RAD51B: variants seen among roughly 807,000 people sequenced by gnomAD.
The protein encoded by RAD51B is DNA repair protein RAD51 homolog 2.
In RAD51B, 38 loss-of-function variants were observed where a neutral mutation model predicts 42.2. The ratio of observed to expected loss-of-function variants is 0.90; its 90% CI spans 0.70 to 1.18. The LOEUF is 1.18. Among genes scored for constraint, RAD51B ranks in the 50% most tolerant of loss-of-function variants. RAD51B has a pLI of 0.00. For synonymous variants in RAD51B, 154 were observed against 145.2 expected, an observed-to-expected ratio of 1.06 and a Z score of -0.43; for missense variants, 373 against 400.7, an observed-to-expected ratio of 0.93 and a Z score of 0.59.
At chr14:68,529,494 T>C (rs1420552468) in intron 10 of RAD51B, among the ~76,000 whole-genome samples, 1 of 152,194 alleles carries the variant, frequency 6.6e-6, no homozygotes, top group Non-Finnish European at 1.5e-5. Flanking sequence ...TGATGATATA[T>C]CTGAGACTAT....
At chr14:68,167,786 G>T (rs2078783490) in intron 7 of RAD51B, among the ~76,000 whole-genome samples, 1 of 152,064 alleles carries the variant, frequency 6.6e-6, no homozygotes, top group Non-Finnish European at 1.5e-5. Flanking sequence ...ATTTATTAGA[G>T]TTCTGATATT....
At chr14:67,830,094 T>C (rs2040981928) in intron 3 of RAD51B, among the ~76,000 whole-genome samples, 1 of 151,886 alleles carries the variant, frequency 6.6e-6, no homozygotes, top group African/African-American at 2.4e-5. Context: ...CTTGCGTGAG[T>C]GGGTCATAAC....
At chr14:68,442,405 T>C (rs546753276) in intron 9 of RAD51B, among the ~76,000 whole-genome samples, 19 of 151,506 alleles carry the variant, frequency 1.3e-4, no homozygotes, top group African/African-American at 4.6e-4. Flanking sequence ...ATCCTATTTC[T>C]TGAGTGCCTA....
intron 10 of RAD51B, among the ~76,000 whole-genome samples, chr14:68,575,838 G>C (rs1305578175): frequency 6.6e-6 from 1 of 152,206 alleles, no homozygotes; most frequent in Non-Finnish European, 1.5e-5. Flanking sequence ...AATACATATA[G>C]AAAGATATAT....
At chr14:68,040,498 A>C (rs2076201711) in intron 7 of RAD51B, among the ~76,000 whole-genome samples, 1 of 152,206 alleles carries the variant, frequency 6.6e-6, no homozygotes. Context: ...ATTGCCTAAC[A>C]ATTACAATTT....
At chr14:68,519,071 A>G (rs1052450355) in intron 10 of RAD51B, among the ~76,000 whole-genome samples, 1 of 152,222 alleles carries the variant, frequency 6.6e-6, no homozygotes, top group Non-Finnish European at 1.5e-5. Context: ...ATGATGTCAT[A>G]TTTGTAGCTT....
At chr14:68,557,588 T>C (rs575856696) in intron 10 of RAD51B, among the ~76,000 whole-genome samples, 1 of 152,338 alleles carries the variant, frequency 6.6e-6, no homozygotes, top group Admixed American at 6.5e-5. Context: ...CCTAAATCAT[T>C]GCTGACTGAG....
At chr14:68,056,714 C>G (rs1254518056) in intron 7 of RAD51B, among the ~76,000 whole-genome samples, 1 of 151,826 alleles carries the variant, frequency 6.6e-6, no homozygotes, top group Non-Finnish European at 1.5e-5. Flanking sequence ...CACCACCACA[C>G]TCCAGCCTTG....
intron 10 of RAD51B, among the ~76,000 whole-genome samples, chr14:68,621,855 G>A (rs1051884430): frequency 6.6e-6 from 1 of 152,240 alleles, no homozygotes; most frequent in Admixed American, 6.5e-5. Context: ...TCTGTGCACA[G>A]TGACAATGAG....
chr14:67,894,009 G>T (rs534684762), intron 7 of RAD51B, among the ~76,000 whole-genome samples: 2 of 152,146 alleles, frequency 1.3e-5, no homozygotes, highest in Non-Finnish European at 2.9e-5. Context: ...GTTAGACGTT[G>T]GTTTGAATCT....
At chr14:68,607,410 T>C (rs1891491540) in intron 10 of RAD51B, among the ~76,000 whole-genome samples, 2 of 152,178 alleles carry the variant, frequency 1.3e-5, no homozygotes, top group Admixed American at 1.3e-4. Context: ...TTCTTTCTCC[T>C]TTCACAAGGC....
At chr14:68,054,246 G>A (rs2076438500) in intron 7 of RAD51B, among the ~76,000 whole-genome samples, 1 of 152,028 alleles carries the variant, frequency 6.6e-6, no homozygotes, top group Non-Finnish European at 1.5e-5. Flanking sequence ...CACTTGTCAT[G>A]CCTCTTAATC....
intron 9 of RAD51B, among the ~76,000 whole-genome samples, chr14:68,462,513 A>G (rs1257047293): frequency 6.6e-6 from 1 of 152,224 alleles, no homozygotes; most frequent in Non-Finnish European, 1.5e-5. Context: ...AGCATCGAGT[A>G]CATATTGGAT....
chr14:68,046,908 T>A (rs916580484), intron 7 of RAD51B, among the ~76,000 whole-genome samples: 9 of 152,078 alleles, frequency 5.9e-5, no homozygotes, highest in African/African-American at 2.2e-4. Context: ...AAAAATATAT[T>A]TTTAAAAATG....
At position 68,009,474 on chromosome 14, in the gene RAD51B, T is replaced by C. The variant is rs536047457; in HGVS notation, c.756+122270T>C. ...GGAAGTTTTCACTTCCAAGACATTATGTTTTTCTTCATTTATTTACAGTAA... is the reference window on the plus strand; with the variant it reads ...GGAAGTTTTCACTTCCAAGACATTACGTTTTTCTTCATTTATTTACAGTAA... On this transcript the variant is annotated intron_variant, in intron 7 of 10. Coordinates refer to ENST00000471583, the MANE Select transcript of RAD51B (RefSeq NM_133510.4). 2.6e-5 allele frequency among the ~76,000 whole-genome samples: 4 copies of C among 152,140 alleles called. No individual in the cohort carries two copies. In the South Asian group the frequency reaches 8.3e-4, roughly 31 times the overall value.
chr14:67,856,973 A>G (rs1270274763), intron 4 of RAD51B, among the ~76,000 whole-genome samples: 2 of 152,278 alleles, frequency 1.3e-5, no homozygotes, highest in East Asian at 3.9e-4. Flanking sequence ...TGAGTTTACA[A>G]GAAGCAAATA....
intron 8 of RAD51B, among the ~76,000 whole-genome samples, chr14:68,375,662 G>A (rs1288134006): frequency 1.3e-5 from 2 of 152,022 alleles, no homozygotes; most frequent in African/African-American, 4.8e-5. Flanking sequence ...GCTCACAGCT[G>A]TTTCTCTAGT....
At chr14:68,045,000 G>A in intron 7 of RAD51B, among the ~76,000 whole-genome samples, 1 of 152,018 alleles carries the variant, frequency 6.6e-6, no homozygotes, top group East Asian at 1.9e-4. Flanking sequence ...AGCACTTTGG[G>A]AGGCCAAGGC....
intron 10 of RAD51B, among the ~76,000 whole-genome samples, chr14:68,623,769 T>C (rs1180859992): frequency 1.3e-5 from 2 of 152,230 alleles, no homozygotes; most frequent in Non-Finnish European, 1.5e-5. Flanking sequence ...TAATAGAATA[T>C]GATGGATAAA....
Sources: gnomAD v4.1 joint callset for allele counts (sites outside exome capture counted in the v4.1 genomes callset) on GRCh38, gnomAD v4.1.1 for gene constraint, MANE v1.5 for transcripts, NCBI Gene and HGNC (gene_info 2026-07-23, HGNC 2026-07-21) for gene names.